The following TNC variants were observed in gnomAD, a reference collection of about 807,000 sequenced individuals.
TNC encodes tenascin C.
TNC carries 109 observed loss-of-function variants against 202.4 expected under a neutral mutation model. The ratio of observed to expected loss-of-function variants is 0.54; its 90% CI spans 0.46 to 0.63. TNC has a LOEUF of 0.63. Ranked by LOEUF, TNC falls within the 30% of genes least tolerant of loss-of-function variation. The probability of loss-of-function intolerance (pLI) is 0.00; values close to 1 mark genes in which losing one functional copy is unlikely to be tolerated. For missense variants in TNC, 2,756 were observed against 2,833.3 expected (o/e 0.97, Z 0.62); for synonymous variants, 1,007 against 1,089.7 (o/e 0.92, Z 1.50).
chr9:115,061,080 A>G (rs1007602765), intron 13 of TNC, among the ~76,000 whole-genome samples: 3 of 152,188 alleles, frequency 2.0e-5, no homozygotes, highest in African/African-American at 7.2e-5. Flanking sequence ...TGAGGGTTAA[A>G]TGCAGTCTCT....
In TNC at chr9:115,076,118, A is replaced by G. The variant is rs754676432; in HGVS notation, c.2864T>C (p.Leu955Pro). ...AATCCCATATTCAGTTCCCGGCCTC[A>G]GACCTAAGGAGAGAATGTGCAAGTT... is the stretch of plus-strand genomic sequence containing the variant. ...QATTKTTLTG[L>P]RPGTEYGIGV... The change falls in exon 9 of 28, where the codon CTG becomes CCG. Residue 955 changes from leucine to proline, a missense_variant. Physicochemically the swap from Leu to Pro is moderately conservative, Grantham distance 98 (BLOSUM62 -3). Transcript: ENST00000350763. The G allele has an allele frequency of 7.4e-6, 12 of 1,613,688 alleles. No homozygotes were observed. Among genetic ancestry groups the G allele is most frequent in the Non-Finnish European group, 1.0e-5 (12 of 1,179,580 alleles).
intron 1 of TNC, among the ~76,000 whole-genome samples, chr9:115,099,669 A>C (rs1836076518): frequency 6.6e-6 from 1 of 152,214 alleles, no homozygotes; most frequent in Non-Finnish European, 1.5e-5. Flanking sequence ...GAAAAATGAG[A>C]TAATACAGGC....
intron 1 of TNC, among the ~76,000 whole-genome samples, chr9:115,116,158 C>G (rs1205863663): frequency 6.6e-6 from 1 of 152,128 alleles, no homozygotes; most frequent in Non-Finnish European, 1.5e-5. Flanking sequence ...AAACGTTAGT[C>G]ACTTCTTAGA....
intron 13 of TNC, among the ~76,000 whole-genome samples, 190 bp downstream of exon 13, chr9:115,062,727 T>C (rs1400272154): frequency 6.6e-6 from 1 of 151,996 alleles, no homozygotes; most frequent in Non-Finnish European, 1.5e-5. Context: ...TCTATATATA[T>C]ACATACACAT....
intron 6 of TNC, among the ~76,000 whole-genome samples, chr9:115,081,476 G>A (rs1277468109): frequency 6.6e-6 from 1 of 152,102 alleles, no homozygotes; most frequent in Non-Finnish European, 1.5e-5. Context: ...AGAATGAGAG[G>A]CTCTGCGAAA....
intron 20 of TNC, 73 bp from the exon 21 acceptor site, chr9:115,036,314 A>G: frequency 6.5e-7 from 1 of 1,532,064 alleles, no homozygotes; most frequent in East Asian, 2.3e-5. Flanking sequence ...GGCAAACCAC[A>G]TACACACCTC....
intron 27 of TNC, among the ~76,000 whole-genome samples, chr9:115,021,993 A>C (rs1829108495): frequency 6.6e-6 from 1 of 152,140 alleles, no homozygotes; most frequent in Non-Finnish European, 1.5e-5. Flanking sequence ...ATATCCTTGA[A>C]ATTTTGGCCA....
intron 17 of TNC, 60 bp from the exon 18 acceptor site, chr9:115,042,401 G>A: frequency 6.3e-7 from 1 of 1,591,702 alleles, no homozygotes; most frequent in Non-Finnish European, 8.6e-7. Flanking sequence ...TTCATCAATG[G>A]TTCTTCCTGA....
chr9:115,103,398 C>T (rs755156390), intron 1 of TNC, among the ~76,000 whole-genome samples: 3 of 152,112 alleles, frequency 2.0e-5, no homozygotes, highest in Non-Finnish European at 4.4e-5. Flanking sequence ...TATAGGTCTC[C>T]CTTTCTCATT....
At chr9:115,104,802 T>C (rs1836489912) in intron 1 of TNC, among the ~76,000 whole-genome samples, 2 of 152,180 alleles carry the variant, frequency 1.3e-5, no homozygotes, top group African/African-American at 2.4e-5. Context: ...AGAAGTAGAA[T>C]TGGTTTGGGA....
At chr9:115,060,254 C>A (rs1339817096) in intron 13 of TNC, among the ~76,000 whole-genome samples, 1 of 152,170 alleles carries the variant, frequency 6.6e-6, no homozygotes, top group Non-Finnish European at 1.5e-5. Flanking sequence ...CACCAATGCA[C>A]AACCCACCGG....
chr9:115,055,685 G>A (rs947860584), intron 15 of TNC: 2 of 152,492 alleles, frequency 1.3e-5, no homozygotes, highest in Admixed American at 6.6e-5. Context: ...AGCTTCCCAC[G>A]AGATGGACAC....
chr9:115,076,090 T>G lies in TNC; in HGVS notation c.2892A>C (p.Gly964=). The change falls in exon 9 of 28, where the codon GGA becomes GGC. Residue 964 remains glycine (G), a synonymous_variant. Transcript: ENST00000350763. ...CCTTGTCTTCCTTCACAGCAGAAAC[T>G]CCAATCCCATATTCAGTTCCCGGCC... ...GLRPGTEYGI[G]VSAVKEDKES... is the part of the protein sequence containing the mutation. The G allele has an allele frequency of 6.2e-7, 1 of 1,614,130 alleles. No homozygotes were observed. The highest frequency in any genetic ancestry group is 8.5e-7 in the Non-Finnish European group (1 of 1,180,010).
At chr9:115,068,773 G>T (rs149111928) in intron 10 of TNC, among the ~76,000 whole-genome samples, 14 of 152,238 alleles carry the variant, frequency 9.2e-5, no homozygotes, top group African/African-American at 3.4e-4. Context: ...TATTCCCTTT[G>T]CTGGAAATGT....
At position 115,029,443 on chromosome 9, in the gene TNC, C is replaced by T. The variant is rs549023811; in HGVS notation, c.6086G>A (p.Arg2029His). Residue 2029 changes from arginine (R) to histidine (H), a missense_variant, in exon 25 of 28, where the codon CGC becomes CAC. By Grantham distance (29) the Arg-to-His change is conservative. This residue lies in a region of TNC where 197 missense variants were observed against 287.3 expected (regional missense o/e 0.69). Coordinates refer to ENST00000350763, the MANE Select transcript of TNC (RefSeq NM_002160.4). ...GTAGAAGTTCTCGCGTCCGTTTTTG[C>T]GTCTCAGGAACACCTATAAACATAT... ...DGGGWIVFLRRKNGRENFYQN... is the reference protein window; with the variant it reads ...DGGGWIVFLRHKNGRENFYQN... The T allele has an allele frequency of 6.2e-7, 1 of 1,614,040 alleles. No individual in the cohort carries two copies. The highest frequency in any genetic ancestry group is 8.5e-7 in the Non-Finnish European group (1 of 1,179,924).
At chr9:115,101,097 T>C (rs986327027) in intron 1 of TNC, among the ~76,000 whole-genome samples, 3 of 152,204 alleles carry the variant, frequency 2.0e-5, no homozygotes, top group Non-Finnish European at 2.9e-5. Context: ...TATCTACTTT[T>C]TCAGTACATA....
chr9:115,084,607 C>T lies in TNC; in HGVS notation c.1868-135G>A, dbSNP rs968026752. ...TCTGTTGCCTCTAAAATGCAGATGG[C>T]ATCAGGGACCCCCTGCTGTGATCCA... On this transcript the variant is annotated intron_variant, in intron 3 of 27. Coordinates refer to ENST00000350763, the MANE Select transcript of TNC (RefSeq NM_002160.4). The T allele has an allele frequency of 7.6e-6, 8 of 1,051,852 alleles. No homozygotes were observed. The East Asian group carries it at 2.1e-4, about 27-fold the overall frequency. 65.2% of individuals were successfully genotyped at this position (1,051,852 alleles called of 1,614,324 possible). A position where few individuals can be genotyped will look rare whatever the true frequency, so the allele number is the denominator to read the frequency against.
chr9:115,037,629 G>A, intron 20 of TNC, among the ~76,000 whole-genome samples: 1 of 152,282 alleles, frequency 6.6e-6, no homozygotes, highest in African/African-American at 2.4e-5. Context: ...CCAGGTTCAA[G>A]CAGCTCTCCT....
intron 15 of TNC, among the ~76,000 whole-genome samples, chr9:115,048,870 A>G (rs1831418801): frequency 6.6e-6 from 1 of 152,040 alleles, no homozygotes. Flanking sequence ...GTAGTTCTTT[A>G]TACAAATAGG....
Sources: gnomAD v4.1 joint callset for allele counts (sites outside exome capture counted in the v4.1 genomes callset) on GRCh38, gnomAD v4.1.1 for gene constraint, gnomAD v4.1.1 regional missense constraint, MANE v1.5 for transcripts, NCBI Gene and HGNC (gene_info 2026-07-23, HGNC 2026-07-21) for gene names.